The following VAV3 variants were observed in gnomAD, a reference collection of about 807,000 sequenced individuals.
VAV3 encodes vav guanine nucleotide exchange factor 3.
In VAV3, 94 loss-of-function variants were observed where a neutral mutation model predicts 131.2. That is an observed-to-expected ratio of 0.72 (90% confidence interval 0.61 to 0.85). The LOEUF (loss-of-function observed/expected upper bound fraction) is 0.85, where lower values mean the gene tolerates loss of function less well. Among genes scored for constraint, VAV3 ranks in the 40% least tolerant of loss-of-function variants. VAV3 has a pLI of 0.00. For synonymous variants in VAV3, 349 were observed against 342.0 expected (o/e 1.02, Z -0.22); for missense variants, 939 against 1,002.7 (o/e 0.94, Z 0.86).
chr1:107,700,329 T>C (rs543477663), intron 17 of VAV3, among the ~76,000 whole-genome samples: 9 of 152,358 alleles, frequency 5.9e-5, no homozygotes, highest in Admixed American at 1.3e-4. Flanking sequence ...CCAGGGTACA[T>C]GTGCAGGATG....
intron 2 of VAV3, among the ~76,000 whole-genome samples, chr1:107,781,186 C>A (rs572356112): frequency 6.6e-6 from 1 of 152,200 alleles, no homozygotes; most frequent in African/African-American, 2.4e-5. Flanking sequence ...TTACTAGCCT[C>A]TGTAAAATGC....
chr1:107,897,600 A>C (rs1026075261), intron 1 of VAV3, among the ~76,000 whole-genome samples: 2 of 152,054 alleles, frequency 1.3e-5, no homozygotes, highest in African/African-American at 4.8e-5. Context: ...TTCTAGTTAC[A>C]CTATTTGGCG....
At chr1:107,718,393 A>AG (rs1661255778) in intron 15 of VAV3, among the ~76,000 whole-genome samples, 1 of 152,208 alleles carries the variant, frequency 6.6e-6, no homozygotes, top group Admixed American at 6.5e-5. Context: ...AAAAATCACA[A>AG]GCATTCCTAT....
intron 15 of VAV3, among the ~76,000 whole-genome samples, chr1:107,723,821 A>AT (rs1661665960): frequency 6.6e-6 from 1 of 152,198 alleles, no homozygotes; most frequent in African/African-American, 2.4e-5. Flanking sequence ...AACAAAAACA[A>AT]TAACCTAATC....
In VAV3 at chr1:107,713,300, G is replaced by A. The variant is rs112203125; in HGVS notation, c.1503-8239C>T. 8.3e-3 allele frequency among the ~76,000 whole-genome samples: 1,259 copies of A among 151,970 alleles called. 20 individuals are homozygous for A. The highest frequency in any genetic ancestry group is 0.027 in the African/African-American group (1,102 of 41,492). On this transcript the variant is annotated intron_variant, in intron 15 of 26. Transcript: ENST00000370056. ...TACTTATATAATCTTTAAAGGAAAT[G>A]AAAGCAAACAAAAGATGGCTGGCCT...
At chr1:107,582,788 A>C (rs1328438143) in intron 25 of VAV3, among the ~76,000 whole-genome samples, 1 of 152,148 alleles carries the variant, frequency 6.6e-6, no homozygotes, top group Non-Finnish European at 1.5e-5. Context: ...AATATCTGCC[A>C]CATTTTCTTA....
chr1:107,781,655 C>A (rs1665698478), intron 2 of VAV3, among the ~76,000 whole-genome samples: 1 of 152,194 alleles, frequency 6.6e-6, no homozygotes, highest in East Asian at 1.9e-4. Flanking sequence ...AATTTACTGA[C>A]CCCAAAATTG....
chr1:107,943,507 G>A (rs1011615463), intron 1 of VAV3, among the ~76,000 whole-genome samples: 4 of 152,162 alleles, frequency 2.6e-5, no homozygotes, highest in Non-Finnish European at 2.9e-5. Flanking sequence ...TTGGGAGGCC[G>A]AGGCAGGCAC....
chr1:107,861,555 TG>T (rs1445725377), intron 2 of VAV3, among the ~76,000 whole-genome samples: 1 of 151,588 alleles, frequency 6.6e-6, no homozygotes, highest in East Asian at 1.9e-4. Context: ...TAGCCTTCTA[TG>T]TATGTTTTTA....
intron 2 of VAV3, among the ~76,000 whole-genome samples, chr1:107,820,586 G>A (rs903814056): frequency 4.0e-5 from 6 of 151,886 alleles, no homozygotes; most frequent in African/African-American, 9.7e-5. Flanking sequence ...AAAATTCATC[G>A]TACATTTAAA....
chr1:107,810,701 CATAATCACCCAATAG>C (rs964442472), intron 2 of VAV3, among the ~76,000 whole-genome samples: 1 of 152,028 alleles, frequency 6.6e-6, no homozygotes, highest in African/African-American at 2.4e-5. Context: ...TCTATACAAG[CATAATCACCCAATAG>C]GTAATCATGT....
chr1:107,956,559 A>G (rs1459974625), intron 1 of VAV3, among the ~76,000 whole-genome samples: 1 of 152,186 alleles, frequency 6.6e-6, no homozygotes, highest in South Asian at 2.1e-4. Context: ...CTATATACAC[A>G]TTAGAAAATG....
chr1:107,596,472 T>A, intron 24 of VAV3, 131 bp from the exon 25 acceptor site: 1 of 915,372 alleles, frequency 1.1e-6, no homozygotes. Context: ...TATGGAAGAT[T>A]AAGCAAATGA....
intron 1 of VAV3, among the ~76,000 whole-genome samples, chr1:107,880,415 G>T (rs1557898904): frequency 6.6e-6 from 1 of 150,916 alleles, no homozygotes; most frequent in Non-Finnish European, 1.5e-5. Context: ...CTGACAGAAG[G>T]AACAGAAGAG....
intron 25 of VAV3, among the ~76,000 whole-genome samples, chr1:107,584,149 C>G (rs1343846625): frequency 6.6e-6 from 1 of 152,142 alleles, no homozygotes; most frequent in East Asian, 1.9e-4. Context: ...AAAAAACAAG[C>G]AATGGGGAAA....
intron 2 of VAV3, among the ~76,000 whole-genome samples, chr1:107,837,591 G>C (rs563490499): frequency 5.3e-5 from 8 of 152,214 alleles, no homozygotes; most frequent in South Asian, 2.1e-4. Flanking sequence ...GCAATCTTAA[G>C]CAAAAGGAAC....
At chr1:107,640,876 T>C (rs925059371) in intron 20 of VAV3, among the ~76,000 whole-genome samples, 1 of 152,178 alleles carries the variant, frequency 6.6e-6, no homozygotes, top group African/African-American at 2.4e-5. Context: ...AGACTGAGCA[T>C]ATTTATATAC....
Position 107,905,201 on chromosome 1 carries a change from G to T in VAV3, c.205-30184C>A, listed in dbSNP as rs559543514. On this transcript the variant is annotated intron_variant, in intron 1 of 26. Coordinates refer to ENST00000370056, the MANE Select transcript of VAV3 (RefSeq NM_006113.5). ...CTTTGTGTATTGCACAACCTGATAAGTCAGCCTTACCTAGAATTCCTGCTC... is the reference window on the plus strand; with the variant it reads ...CTTTGTGTATTGCACAACCTGATAATTCAGCCTTACCTAGAATTCCTGCTC... Among the ~76,000 whole-genome samples, 7 of 152,270 alleles carry T rather than the reference G, an allele frequency of 4.6e-5. No homozygotes were observed. The South Asian group carries it at 1.5e-3, about 32-fold the overall frequency.
At chr1:107,918,703 A>ATTTT (rs765085890) in intron 1 of VAV3, among the ~76,000 whole-genome samples, 1 of 119,872 alleles carries the variant, frequency 8.3e-6, no homozygotes, top group African/African-American at 3.0e-5. Context: ...ATATATATAT[A>ATTTT]TATTTTTTTT....
Sources: allele counts gnomAD v4.1 joint callset (sites outside exome capture counted in the v4.1 genomes callset), GRCh38; gene constraint gnomAD v4.1.1; transcripts MANE v1.5; gene names NCBI Gene and HGNC (gene_info 2026-07-23, HGNC 2026-07-21).